NCAM1: variants seen among roughly 807,000 people sequenced by gnomAD.
NCAM1 encodes the protein neural cell adhesion molecule 1.
Under a neutral mutation model 109.8 loss-of-function variants are expected in NCAM1, and 14 were observed. That is an observed-to-expected ratio of 0.13 (90% CI 0.08 to 0.20). The LOEUF is 0.20. Ranked by LOEUF, NCAM1 falls within the 10% of genes least tolerant of loss-of-function variation. NCAM1 has a pLI of 1.00. For missense variants in NCAM1, 774 were observed against 1,109.9 expected (o/e 0.70, Z 4.30); for synonymous variants, 418 against 442.9 (o/e 0.94, Z 0.70).
intron 1 of NCAM1, among the ~76,000 whole-genome samples, chr11:113,077,314 T>C (rs1938572451): frequency 6.6e-6 from 1 of 152,198 alleles, no homozygotes; most frequent in Non-Finnish European, 1.5e-5. Context: ...GATCTTGATA[T>C]AAAGACATTT....
intron 1 of NCAM1, among the ~76,000 whole-genome samples, chr11:113,004,521 T>A (rs1293053807): frequency 6.6e-6 from 1 of 151,902 alleles, no homozygotes; most frequent in Non-Finnish European, 1.5e-5. Context: ...TTTGCCAGGA[T>A]GAGGATCATA....
chr11:113,070,699 TA>T (rs1294204661), intron 1 of NCAM1, among the ~76,000 whole-genome samples: 3 of 152,142 alleles, frequency 2.0e-5, no homozygotes, highest in Non-Finnish European at 4.4e-5. Flanking sequence ...AATTTGGAAG[TA>T]GCTGGGAAGC....
intron 1 of NCAM1, among the ~76,000 whole-genome samples, chr11:113,140,932 T>G (rs1449989835): frequency 6.6e-6 from 1 of 152,210 alleles, no homozygotes; most frequent in South Asian, 2.1e-4. Context: ...CAGATGTTAT[T>G]AAATCATTGT....
intron 1 of NCAM1, among the ~76,000 whole-genome samples, chr11:113,063,497 C>A (rs1262412268): frequency 3.3e-5 from 5 of 152,200 alleles, no homozygotes; most frequent in African/African-American, 4.8e-5. Context: ...CTCTGCAGAC[C>A]ACTTAGCATC....
At chr11:112,972,352 C>T (rs1435475917) in intron 1 of NCAM1, among the ~76,000 whole-genome samples, 2 of 152,054 alleles carry the variant, frequency 1.3e-5, no homozygotes, top group Admixed American at 6.5e-5. Context: ...GTTTTTATCA[C>T]GCCCACAAGT....
chr11:113,039,417 C>G (rs1952998044), intron 1 of NCAM1, among the ~76,000 whole-genome samples: 2 of 152,170 alleles, frequency 1.3e-5, no homozygotes, highest in African/African-American at 4.8e-5. Flanking sequence ...CAGTTTGATA[C>G]CAGCAACTTA....
intron 1 of NCAM1, among the ~76,000 whole-genome samples, chr11:113,122,323 A>T (rs552210662): frequency 8.1e-4 from 123 of 152,328 alleles, no homozygotes; most frequent in African/African-American, 2.8e-3. Flanking sequence ...ACTGCACTGT[A>T]TTAAATCTCT....
At chr11:113,217,407 C>G (rs1426807000) in intron 8 of NCAM1, among the ~76,000 whole-genome samples, 1 of 152,184 alleles carries the variant, frequency 6.6e-6, no homozygotes, top group Non-Finnish European at 1.5e-5. Context: ...CTTGAACATA[C>G]CAGTTATTTT....
At chr11:113,202,705 C>T (rs1219280266) in intron 2 of NCAM1, among the ~76,000 whole-genome samples, 1 of 152,194 alleles carries the variant, frequency 6.6e-6, no homozygotes, top group Non-Finnish European at 1.5e-5. Flanking sequence ...TAGGAGTTTT[C>T]TTAGAAAAAT....
chr11:113,261,842 G>A (rs1223858027), intron 17 of NCAM1, among the ~76,000 whole-genome samples: 1 of 152,180 alleles, frequency 6.6e-6, no homozygotes, highest in Non-Finnish European at 1.5e-5. Context: ...TGGACCTGCT[G>A]TGTTCACATG....
intron 16 of NCAM1, among the ~76,000 whole-genome samples, chr11:113,258,495 A>G (rs1337538022): frequency 2.0e-5 from 3 of 152,220 alleles, no homozygotes; most frequent in East Asian, 3.8e-4. Context: ...GAAGGGAAAG[A>G]TCATGAGAGG....
intron 1 of NCAM1, among the ~76,000 whole-genome samples, chr11:113,121,799 G>C (rs1940973327): frequency 6.6e-6 from 1 of 152,152 alleles, no homozygotes; most frequent in African/African-American, 2.4e-5. Flanking sequence ...AGATTTTTGA[G>C]TTGTCTGTAA....
chr11:113,186,292 G>A (rs189882369), intron 1 of NCAM1, among the ~76,000 whole-genome samples: 7 of 152,252 alleles, frequency 4.6e-5, no homozygotes, highest in Middle Eastern at 3.4e-3. Flanking sequence ...ATAGAAGTGC[G>A]TGCGAGGGTT....
chr11:113,122,032 T>G lies in NCAM1; in HGVS notation c.53-80347T>G, dbSNP rs377601606. ...GAATCAGTGAAGAAAGCAAACACCA[T>G]GGAGGCAGAAAGGGGGTAATCTAGT... On this transcript the variant is annotated intron_variant, in intron 1 of 19. Transcript: ENST00000316851. Among the ~76,000 whole-genome samples, 296 of 152,240 alleles carry G rather than the reference T, an allele frequency of 1.9e-3. 4 individuals carry two copies. The South Asian group carries it at 0.059, about 31-fold the overall frequency.
chr11:113,200,777 G>A (rs1481330194), intron 1 of NCAM1, among the ~76,000 whole-genome samples: 5 of 152,114 alleles, frequency 3.3e-5, no homozygotes, highest in African/African-American at 7.2e-5. Context: ...CAGTGACCCC[G>A]CGGCATAGTA....
chr11:113,210,078 G>A (rs994502090), intron 7 of NCAM1, among the ~76,000 whole-genome samples: 2 of 152,096 alleles, frequency 1.3e-5, no homozygotes, highest in African/African-American at 4.8e-5. Context: ...ATAAATGAAG[G>A]AACTGTCATT....
At chr11:113,089,702 T>C (rs1555089006) in intron 1 of NCAM1, among the ~76,000 whole-genome samples, 1 of 152,204 alleles carries the variant, frequency 6.6e-6, no homozygotes, top group East Asian at 1.9e-4. Flanking sequence ...AGCTGTGTGT[T>C]GGAGAAAAAG....
At chr11:113,272,361 T>TCAAGATC (rs1946301259) in intron 19 of NCAM1, among the ~76,000 whole-genome samples, 1 of 152,212 alleles carries the variant, frequency 6.6e-6, no homozygotes, top group South Asian at 2.1e-4. Context: ...TGCCTAGCTG[T>TCAAGATC]CAAGGATCTT....
intron 1 of NCAM1, among the ~76,000 whole-genome samples, chr11:113,140,682 T>C (rs1428310363): frequency 6.6e-6 from 1 of 152,256 alleles, no homozygotes; most frequent in African/African-American, 2.4e-5. Flanking sequence ...TCTAGCTTAT[T>C]TTGAGCTTTA....
Sources: allele counts gnomAD v4.1 joint callset (sites outside exome capture counted in the v4.1 genomes callset), GRCh38; gene constraint gnomAD v4.1.1; transcripts MANE v1.5; gene names NCBI Gene and HGNC (gene_info 2026-07-23, HGNC 2026-07-21).